NAA15: variants seen among roughly 807,000 people sequenced by gnomAD.
NAA15 encodes the protein N-terminal acetyltransferase.
In NAA15, 34 loss-of-function variants were observed where a neutral mutation model predicts 114.0. The ratio of observed to expected loss-of-function variants is 0.30; its 90% CI spans 0.23 to 0.40. NAA15 has a LOEUF of 0.40. NAA15 is among the 10% of genes least tolerant of loss of function. The probability of loss-of-function intolerance (pLI) is 1.00; values close to 1 mark genes in which losing one functional copy is unlikely to be tolerated. For synonymous variants in NAA15, 340 were observed against 338.0 expected (o/e 1.01, Z -0.06); for missense variants, 658 against 1,004.5 (o/e 0.66, Z 4.66).
intron 14 of NAA15, among the ~76,000 whole-genome samples, chr4:139,364,577 C>G (rs1748225360): frequency 6.6e-6 from 1 of 151,890 alleles, no homozygotes; most frequent in African/African-American, 2.4e-5. Context: ...ATGATAAATT[C>G]TGAAAAAAAT....
chr4:139,331,617 ATTTTTTTT>A (rs34467609), intron 1 of NAA15, among the ~76,000 whole-genome samples: 1 of 127,864 alleles, frequency 7.8e-6, no homozygotes, highest in Non-Finnish European at 1.6e-5. Flanking sequence ...TGCCCGGCTA[ATTTTTTTT>A]TTTTTTTTTT....
rs186192465 is a variant in NAA15, at chr4:139,361,654, T to C, written c.1540-70T>C. ...CATGCCAAAGTAACAAGTATTCCAA[T>C]GCTTTGATTTTATAGTTTTCTTAGC... On this transcript the variant is annotated intron_variant, in intron 13 of 19. Transcript: ENST00000296543. 4.0e-3 allele frequency: 3,759 copies of C among 941,850 alleles called. 18 individuals carry two copies. The highest frequency in any genetic ancestry group is 3.9e-3 in the Middle Eastern group (14 of 3,632). 58.3% of individuals were successfully genotyped at this position (941,850 alleles called of 1,614,324 possible). A position where few individuals can be genotyped will look rare whatever the true frequency, so the allele number is the denominator to read the frequency against.
intron 5 of NAA15, 80 bp from the exon 6 acceptor site, chr4:139,344,106 C>A: frequency 8.0e-7 from 1 of 1,256,790 alleles, no homozygotes; most frequent in Non-Finnish European, 1.1e-6. Context: ...TGACTTCTTA[C>A]ATGTTTTTGA....
intron 1 of NAA15, among the ~76,000 whole-genome samples, chr4:139,313,658 C>T (rs1225354273): frequency 2.6e-5 from 4 of 151,498 alleles, no homozygotes; most frequent in African/African-American, 9.7e-5. Flanking sequence ...GATTCTCCTG[C>T]CTCAGCCTCC....
intron 1 of NAA15, among the ~76,000 whole-genome samples, chr4:139,305,659 T>C (rs1365866176): frequency 1.3e-5 from 2 of 151,838 alleles, no homozygotes; most frequent in African/African-American, 4.8e-5. Context: ...TTCAGCGTCC[T>C]GAGTAGCTGG....
At chr4:139,337,513 A>G (rs1390628930) in intron 3 of NAA15, among the ~76,000 whole-genome samples, 1 of 152,194 alleles carries the variant, frequency 6.6e-6, no homozygotes, top group African/African-American at 2.4e-5. Context: ...TAAAGACTTA[A>G]TGATGAGATA....
In NAA15 at chr4:139,310,420, C is replaced by T. The variant is rs1746182309; in HGVS notation, c.54+8589C>T. Among the ~76,000 whole-genome samples the T allele has an allele frequency of 2.0e-5, 3 of 148,112 alleles. No homozygotes were observed. The South Asian group carries it at 6.4e-4, about 32-fold the overall frequency. Reference sequence around the variant, plus strand: ...AGTGAGCCGAGATCCCGCCACTGCACTCCAGCCTGGGCGACAGAGCGAGAC... The same window carrying T: ...AGTGAGCCGAGATCCCGCCACTGCATTCCAGCCTGGGCGACAGAGCGAGAC... On this transcript the variant is annotated intron_variant, in intron 1 of 19. Coordinates refer to ENST00000296543, the MANE Select transcript of NAA15 (RefSeq NM_057175.5).
Position 139,389,705 on chromosome 4 carries a change from A to G in NAA15, c.*1621A>G, listed in dbSNP as rs930757764. ...AGATTAAGTAAAACAAATCAATTGT[A>G]TATATAATTGACCTTTTTGTGGAAC... On this transcript the variant is annotated 3_prime_UTR_variant, in exon 20 of 20. Coordinates refer to ENST00000296543, the MANE Select transcript of NAA15 (RefSeq NM_057175.5). 1 of 152,632 alleles carries G rather than the reference A, an allele frequency of 6.6e-6. No individual in the cohort carries two copies. Among genetic ancestry groups the G allele is most frequent in the Non-Finnish European group, 1.5e-5 (1 of 68,016 alleles). 9.5% of individuals were successfully genotyped at this position (152,632 alleles called of 1,614,324 possible).
At chr4:139,301,978 C>G in intron 1 of NAA15, 147 bp downstream of exon 1, 1 of 842,374 alleles carries the variant, frequency 1.2e-6, no homozygotes, top group African/African-American at 1.7e-5. Flanking sequence ...CATTGCTTTG[C>G]TCCCTCTCTG....
At chr4:139,341,136 A>C in intron 4 of NAA15, 67 bp downstream of exon 4, 37 of 1,118,800 alleles carry the variant, frequency 3.3e-5, no homozygotes, top group Non-Finnish European at 4.4e-5. Flanking sequence ...GAGTACTTTC[A>C]GATACATAAA....
chr4:139,352,108 A>G (rs1489302120), intron 9 of NAA15, among the ~76,000 whole-genome samples: 2 of 151,812 alleles, frequency 1.3e-5, no homozygotes, highest in African/African-American at 4.8e-5. Flanking sequence ...AGGTTATTTT[A>G]ATTATTTTTT....
chr4:139,372,106 C>T (rs547019796), intron 15 of NAA15, among the ~76,000 whole-genome samples: 365 of 152,178 alleles, frequency 2.4e-3, no homozygotes, highest in Admixed American at 3.4e-3. Flanking sequence ...TTAGTAGAGA[C>T]GGGGTTTCAC....
intron 17 of NAA15, among the ~76,000 whole-genome samples, chr4:139,383,274 A>G (rs1462075418): frequency 6.6e-6 from 1 of 152,198 alleles, no homozygotes; most frequent in African/African-American, 2.4e-5. Flanking sequence ...CCCCAGTTTT[A>G]TAGATCAAGA....
intron 9 of NAA15, among the ~76,000 whole-genome samples, chr4:139,352,667 T>TC: frequency 6.9e-6 from 1 of 144,944 alleles, no homozygotes; most frequent in East Asian, 2.0e-4. Flanking sequence ...AATATCTTTT[T>TC]TTTTTTTTTT....
chr4:139,301,869 T>A, intron 1 of NAA15, 38 bp downstream of exon 1: 1 of 1,563,850 alleles, frequency 6.4e-7, no homozygotes, highest in Non-Finnish European at 8.7e-7. Flanking sequence ...GGGGAGGATT[T>A]AGCCGGTAAC....
At chr4:139,341,180 A>T in intron 4 of NAA15, 111 bp downstream of exon 4, 2 of 786,992 alleles carry the variant, frequency 2.5e-6, no homozygotes, top group South Asian at 3.4e-5. Context: ...ATTTAATTGA[A>T]TTTTTTTTTC....
chr4:139,383,673 G>T (rs1748813594), intron 17 of NAA15, among the ~76,000 whole-genome samples: 1 of 152,196 alleles, frequency 6.6e-6, no homozygotes, highest in South Asian at 2.1e-4. Flanking sequence ...GTTTCGCCAT[G>T]TTGGCCAGGT....
chr4:139,354,751 C>T (rs1747888317), intron 10 of NAA15, among the ~76,000 whole-genome samples: 1 of 152,206 alleles, frequency 6.6e-6, no homozygotes, highest in African/African-American at 2.4e-5. Flanking sequence ...TCCTACTTTT[C>T]TCTACTCCCA....
chr4:139,334,279 C>T, intron 2 of NAA15, 21 bp downstream of exon 2: 1 of 1,490,354 alleles, frequency 6.7e-7, no homozygotes, highest in Non-Finnish European at 9.2e-7. Flanking sequence ...GTAGATAAAG[C>T]TTTACTACAT....
Sources: gnomAD v4.1 joint callset for allele counts (sites outside exome capture counted in the v4.1 genomes callset) on GRCh38, gnomAD v4.1.1 for gene constraint, MANE v1.5 for transcripts, NCBI Gene and HGNC (gene_info 2026-07-23, HGNC 2026-07-21) for gene names.